ZFHX3: variants seen among roughly 807,000 people sequenced by gnomAD.
ZFHX3 encodes zinc finger homeobox 3.
Under a neutral mutation model 279.1 loss-of-function variants are expected in ZFHX3, and 42 were observed. The ratio of observed to expected loss-of-function variants is 0.15; its 90% CI spans 0.12 to 0.19. ZFHX3 has a LOEUF of 0.19. Ranked by LOEUF, ZFHX3 falls within the 10% of genes least tolerant of loss-of-function variation. The pLI is 1.00. For missense variants in ZFHX3, 4,981 were observed against 4,754.0 expected, an observed-to-expected ratio of 1.05 and a Z score of -1.40; for synonymous variants, 2,293 against 1,957.8, an observed-to-expected ratio of 1.17 and a Z score of -4.52.
At chr16:72,840,334 G>A (rs2037314619) in intron 4 of ZFHX3, among the ~76,000 whole-genome samples, 1 of 152,132 alleles carries the variant, frequency 6.6e-6, no homozygotes, top group South Asian at 2.1e-4. Flanking sequence ...TTGTGGGATG[G>A]CTCTCGTAAC....
At chr16:73,689,810 G>GTTTTTTTTTT (rs1567552757) in intron 1 of ZFHX3, among the ~76,000 whole-genome samples, 2 of 149,688 alleles carry the variant, frequency 1.3e-5, no homozygotes, top group African/African-American at 2.5e-5. Flanking sequence ...ACAGTTTTTT[G>GTTTTTTTTTT]TTTTTTGTTT....
chr16:72,870,154 G>A (rs1222601582), intron 4 of ZFHX3, among the ~76,000 whole-genome samples: 1 of 152,198 alleles, frequency 6.6e-6, no homozygotes, highest in African/African-American at 2.4e-5. Context: ...CACTTTGGGA[G>A]GCCAAAGCGG....
At chr16:73,820,703 T>G (rs1227477368) in intron 1 of ZFHX3, among the ~76,000 whole-genome samples, 1 of 151,956 alleles carries the variant, frequency 6.6e-6, no homozygotes, top group Non-Finnish European at 1.5e-5. Context: ...TAATAATAGT[T>G]ATTTTAAGCC....
At chr16:73,647,198 G>A (rs955506270) in intron 2 of ZFHX3, among the ~76,000 whole-genome samples, 2 of 151,984 alleles carry the variant, frequency 1.3e-5, no homozygotes, top group South Asian at 2.1e-4. Flanking sequence ...ATTTTTAGTA[G>A]AGACGGGGTT....
chr16:73,807,514 G>C (rs1454817255), intron 1 of ZFHX3, among the ~76,000 whole-genome samples: 1 of 151,222 alleles, frequency 6.6e-6, no homozygotes, highest in South Asian at 2.1e-4. Flanking sequence ...GGGTGCAGTA[G>C]CACAATCATA....
At chr16:73,383,085 C>G (rs1385470077) in intron 3 of ZFHX3, among the ~76,000 whole-genome samples, 1 of 152,246 alleles carries the variant, frequency 6.6e-6, no homozygotes, top group Non-Finnish European at 1.5e-5. Context: ...TCCACATCCC[C>G]ACATGGGGAG....
At chr16:73,353,202 C>T (rs189176071) in intron 3 of ZFHX3, among the ~76,000 whole-genome samples, 10 of 152,318 alleles carry the variant, frequency 6.6e-5, no homozygotes, top group African/African-American at 2.2e-4. Context: ...AGTTAGAACC[C>T]GTCTGCAAGA....
At position 72,793,645 on chromosome 16, in the gene ZFHX3, C is replaced by G. The variant is rs773785469; in HGVS notation, c.9037G>C (p.Gly3013Arg). ...CCCTCATAACTCGTTTGGTTTATAC[C>G]AAAATGCTTGGCCATGCTTAACTTG... ...KSKLSMAKHF[G>R]INQTSYEGPK... The change falls in exon 9 of 10, where the codon GGT (glycine) becomes CGT (arginine). Residue 3013 changes from glycine to arginine, a missense_variant. Gly to Arg is a moderately radical substitution (Grantham distance 125). Coordinates refer to ENST00000268489, the MANE Select transcript of ZFHX3 (RefSeq NM_006885.4). This position sits in a 1 kb window ranked among gnomAD's most constrained non-coding sequence, Gnocchi z 4.3. 12 of 1,613,716 alleles carry G rather than the reference C, an allele frequency of 7.4e-6. No homozygotes were observed. The South Asian group carries it at 1.2e-4, about 16-fold the overall frequency.
intron 3 of ZFHX3, among the ~76,000 whole-genome samples, chr16:72,901,445 G>A (rs942879210): frequency 7.2e-5 from 11 of 152,110 alleles, no homozygotes; most frequent in Admixed American, 6.6e-5. Flanking sequence ...GGCAGCCGGC[G>A]CAACACAAGC....
In ZFHX3 at chr16:72,798,047, G is replaced by A. The variant is rs557934410; in HGVS notation, c.4635C>T (p.Tyr1545=). The A allele has an allele frequency of 3.1e-6, 5 of 1,614,208 alleles. No homozygotes were observed. The highest frequency in any genetic ancestry group is 2.7e-5 in the African/African-American group (2 of 75,048). The change falls in exon 9 of 10, where the codon TAC becomes TAT. Residue 1545 remains tyrosine (Y), a synonymous_variant. Transcript: ENST00000268489. ...MEKFLDPSRP[Y]KCTVCKESFT... The stretch of plus-strand genomic sequence containing the variant: ...AAGATTCCTTGCAGACGGTACACTT[G>A]TAAGGGCGAGAAGGGTCTAGGAACT...
intron 7 of ZFHX3, among the ~76,000 whole-genome samples, chr16:73,119,487 G>A (rs910734941): frequency 2.6e-4 from 40 of 152,274 alleles, no homozygotes; most frequent in African/African-American, 8.4e-4. Flanking sequence ...CTTAGGATGA[G>A]GGCAACATTG....
At chr16:73,335,511 G>A (rs940500923) in intron 3 of ZFHX3, among the ~76,000 whole-genome samples, 5 of 152,120 alleles carry the variant, frequency 3.3e-5, no homozygotes, top group African/African-American at 1.2e-4. Flanking sequence ...ACCATCCACG[G>A]CTTTATAGTT....
At chr16:73,606,527 G>T (rs1378780419) in intron 2 of ZFHX3, among the ~76,000 whole-genome samples, 1 of 151,596 alleles carries the variant, frequency 6.6e-6, no homozygotes, top group South Asian at 2.1e-4. Flanking sequence ...TGGTCCTAGG[G>T]CCTCAGTGTA....
At chr16:73,449,402 C>T (rs868827071) in intron 3 of ZFHX3, among the ~76,000 whole-genome samples, 39 of 152,296 alleles carry the variant, frequency 2.6e-4, no homozygotes, top group Middle Eastern at 6.8e-3. Flanking sequence ...TGGTTTGTGG[C>T]TGGAGTCCCA....
chr16:73,451,207 C>T (rs1278344295), intron 3 of ZFHX3, among the ~76,000 whole-genome samples: 1 of 152,126 alleles, frequency 6.6e-6, no homozygotes, highest in Non-Finnish European at 1.5e-5. Flanking sequence ...TGGGGTGTTC[C>T]CAGAATGTGA....
intron 1 of ZFHX3, among the ~76,000 whole-genome samples, chr16:73,772,208 T>A (rs2054025939): frequency 6.6e-6 from 1 of 152,198 alleles, no homozygotes; most frequent in Non-Finnish European, 1.5e-5. Context: ...ACACTGCTGA[T>A]ACAGACATAC....
In ZFHX3 at chr16:73,441,663, G is replaced by T. The variant is rs375667284; in HGVS notation, c.-1291+14340C>A. On this transcript the variant is annotated intron_variant, in intron 3 of 17. Coordinates refer to the ZFHX3 transcript ENST00000641206. Reference sequence around the variant, plus strand: ...AGAGAGAAATCAGCCACCCTATAAAGCAGCCATCGCCAACCACCCTGAGCT... The same window carrying T: ...AGAGAGAAATCAGCCACCCTATAAATCAGCCATCGCCAACCACCCTGAGCT... Among the ~76,000 whole-genome samples, 5 of 152,140 alleles carry T rather than the reference G, an allele frequency of 3.3e-5. No homozygotes were observed. The East Asian group carries it at 5.8e-4, about 18-fold the overall frequency.
At position 73,270,607 on chromosome 16, in the gene ZFHX3, G is replaced by A. The variant is rs184010608; in HGVS notation, c.-1193-13471C>T. Among the ~76,000 whole-genome samples the A allele has an allele frequency of 7.3e-3, 1,107 of 152,310 alleles. 4 individuals carry two copies. The highest frequency in any genetic ancestry group is 0.011 in the Non-Finnish European group (756 of 68,020). Reference sequence around the variant, plus strand: ...AGGGTTTGTGCCTGTCTAGTGGGAGGTGTTAGAACCTAGAGAGGGCTGATT... The same window carrying A: ...AGGGTTTGTGCCTGTCTAGTGGGAGATGTTAGAACCTAGAGAGGGCTGATT... On this transcript the variant is annotated intron_variant, in intron 4 of 17. Coordinates refer to the ZFHX3 transcript ENST00000641206.
At chr16:73,766,379 A>C (rs530805858) in intron 1 of ZFHX3, among the ~76,000 whole-genome samples, 5 of 152,246 alleles carry the variant, frequency 3.3e-5, no homozygotes, top group African/African-American at 1.2e-4. Context: ...CTGCCTATAC[A>C]TCTCTCTTGG....
Sources: allele counts gnomAD v4.1 joint callset (sites outside exome capture counted in the v4.1 genomes callset), GRCh38; gene constraint gnomAD v4.1.1; non-coding constraint Gnocchi (gnomAD v3.1); transcripts MANE v1.5; gene names NCBI Gene and HGNC (gene_info 2026-07-23, HGNC 2026-07-21).